SDC3: variants seen among roughly 807,000 people sequenced by gnomAD.
The protein encoded by SDC3 is syndecan-3.
A neutral mutation model predicts 24.4 loss-of-function variants in SDC3; 13 were observed. The observed-to-expected ratio is 0.53, with a 90% CI of 0.35 to 0.85. SDC3 has a LOEUF of 0.85. SDC3 is among the 40% of genes least tolerant of loss of function. The probability of loss-of-function intolerance (pLI) is 0.01; values close to 1 mark genes in which losing one functional copy is unlikely to be tolerated. For synonymous variants in SDC3, 295 were observed against 260.9 expected (o/e 1.13, Z -1.26); for missense variants, 571 against 584.5 (o/e 0.98, Z 0.24).
intron 1 of SDC3, among the ~76,000 whole-genome samples, chr1:30,895,326 C>T (rs376419092): frequency 3.0e-4 from 45 of 152,328 alleles, no homozygotes; most frequent in Admixed American, 1.0e-3. Flanking sequence ...GCCTCACTTG[C>T]AGCCTTGCAG....
chr1:30,877,962 G>C (rs1030091169), intron 2 of SDC3: 2 of 152,580 alleles, frequency 1.3e-5, no homozygotes, highest in African/African-American at 4.8e-5. Flanking sequence ...ATGCCAGCCC[G>C]TGCCCTCACT....
intron 1 of SDC3, among the ~76,000 whole-genome samples, chr1:30,882,644 A>C (rs925266898): frequency 7.9e-5 from 12 of 152,032 alleles, no homozygotes; most frequent in Admixed American, 2.6e-4. Flanking sequence ...GGCTACCTCT[A>C]CCCACCCACT....
chr1:30,878,493 G>A (rs1639686523), intron 2 of SDC3, 130 bp downstream of exon 2: 2 of 693,652 alleles, frequency 2.9e-6, no homozygotes, highest in African/African-American at 3.6e-5. Flanking sequence ...AGAGCAAGAA[G>A]AACTTGCCTG....
intron 2 of SDC3, chr1:30,878,330 C>T (rs1044759894): frequency 6.4e-6 from 2 of 313,900 alleles, no homozygotes; most frequent in South Asian, 5.2e-5. Context: ...ACGGGACCAC[C>T]GGAACCAAGC....
At chr1:30,904,124 C>G (rs747580068) in intron 1 of SDC3, among the ~76,000 whole-genome samples, 2 of 152,084 alleles carry the variant, frequency 1.3e-5, no homozygotes, top group Non-Finnish European at 2.9e-5. Context: ...ACTTGGGAGG[C>G]TGAGGTGGGA....
chr1:30,897,658 A>G (rs978160579), intron 1 of SDC3, among the ~76,000 whole-genome samples: 5 of 152,038 alleles, frequency 3.3e-5, no homozygotes, highest in Non-Finnish European at 7.3e-5. Context: ...AGAAATGTAC[A>G]CGGCAGCATG....
At chr1:30,878,297 T>C (rs940601497) in intron 2 of SDC3, 7 of 249,444 alleles carry the variant, frequency 2.8e-5, no homozygotes, top group Admixed American at 4.9e-5. Context: ...AACCCCACCA[T>C]TGGCCACAGC....
At chr1:30,893,504 C>T (rs928038727) in intron 1 of SDC3, among the ~76,000 whole-genome samples, 1 of 152,042 alleles carries the variant, frequency 6.6e-6, no homozygotes, top group African/African-American at 2.4e-5. Flanking sequence ...GGAGCCAGCA[C>T]CCTTAATGCC....
At chr1:30,886,880 G>C (rs558826260) in intron 1 of SDC3, among the ~76,000 whole-genome samples, 2 of 152,056 alleles carry the variant, frequency 1.3e-5, no homozygotes, top group Non-Finnish European at 2.9e-5. Context: ...TTCACAGATG[G>C]GCAAACTAAA....
intron 1 of SDC3, among the ~76,000 whole-genome samples, chr1:30,897,339 A>AG (rs1638295118): frequency 6.6e-6 from 1 of 152,208 alleles, no homozygotes; most frequent in Non-Finnish European, 1.5e-5. Flanking sequence ...GATACTCATG[A>AG]TGACTCGAGA....
At chr1:30,900,760 T>C (rs1222066505) in intron 1 of SDC3, among the ~76,000 whole-genome samples, 1 of 151,948 alleles carries the variant, frequency 6.6e-6, no homozygotes, top group Non-Finnish European at 1.5e-5. Flanking sequence ...ATCCCGCTGG[T>C]GATTGATTCT....
At chr1:30,890,714 C>T (rs1037089269) in intron 1 of SDC3, among the ~76,000 whole-genome samples, 13 of 152,280 alleles carry the variant, frequency 8.5e-5, no homozygotes, top group African/African-American at 2.9e-4. Flanking sequence ...GGACAAGAAA[C>T]TTGCCCAGGG....
intron 1 of SDC3, among the ~76,000 whole-genome samples, chr1:30,900,616 C>T (rs1019807379): frequency 6.6e-6 from 1 of 152,170 alleles, no homozygotes; most frequent in South Asian, 2.1e-4. Context: ...GCCTTGCCTA[C>T]TCAGGCCCTG....
rs1177714412 is a variant in SDC3, at chr1:30,908,636, C to G, written c.-50G>C. ...GGGCGGCGGGCGGGCGCCTTTGTTC[C>G]CGAGGCGCGGCGCGCGGGGCGGCTG... On this transcript the variant is annotated 5_prime_UTR_variant, in exon 1 of 5. Coordinates refer to ENST00000339394, the MANE Select transcript of SDC3 (RefSeq NM_014654.4). The G allele has an allele frequency of 1.3e-6, 1 of 742,042 alleles. No homozygotes were observed. Among genetic ancestry groups the G allele is most frequent in the Non-Finnish European group, 1.6e-6 (1 of 611,102 alleles). 46.0% of individuals were successfully genotyped at this position (742,042 alleles called of 1,614,324 possible).
chr1:30,873,116 G>C lies in SDC3; in HGVS notation c.*95C>G, dbSNP rs1270286761. 1.1e-6 allele frequency: 1 copy of C among 899,572 alleles called. No homozygotes were observed. 55.7% of individuals were successfully genotyped at this position (899,572 alleles called of 1,614,324 possible). A position where few individuals can be genotyped will look rare whatever the true frequency, so the allele number is the denominator to read the frequency against. ...GAGGGCAGAGAAGAACTGGGGCCAG[G>C]TTCCAGGCCCAGTCCCAGGCTTGGG... On this transcript the variant is annotated 3_prime_UTR_variant, in exon 5 of 5. Transcript: ENST00000339394.
intron 1 of SDC3, among the ~76,000 whole-genome samples, chr1:30,887,153 G>C (rs1020054759): frequency 4.6e-5 from 7 of 152,090 alleles, no homozygotes; most frequent in Non-Finnish European, 2.9e-5. Flanking sequence ...GCACTCACAC[G>C]ACAGGTGGCC....
chr1:30,878,750 G>T lies in SDC3; in HGVS notation c.139-10C>A, dbSNP rs775462351. ...TGCGCCAGCGCTGGGCCTAGGGAAG[G>T]TAGAGGTGGACACAGGGCTCGGCAC... On this transcript the variant is annotated splice_polypyrimidine_tract_variant and intron_variant, in intron 1 of 4. Transcript: ENST00000339394. The T allele has an allele frequency of 9.3e-6, 15 of 1,612,876 alleles. No individual in the cohort carries two copies. In the South Asian group the frequency reaches 1.4e-4, roughly 15 times the overall value.
intron 1 of SDC3, among the ~76,000 whole-genome samples, chr1:30,879,531 C>T (rs1375834832): frequency 1.3e-5 from 2 of 152,136 alleles, no homozygotes; most frequent in Non-Finnish European, 2.9e-5. Context: ...GGAGCTAGAA[C>T]TCCCCATGGC....
At chr1:30,874,877 C>T (rs1238846619) in intron 3 of SDC3, among the ~76,000 whole-genome samples, 6 of 152,230 alleles carry the variant, frequency 3.9e-5, no homozygotes, top group African/African-American at 1.2e-4. Flanking sequence ...TAACACACTG[C>T]CTCTGTTCTT....
Sources: gnomAD v4.1 joint callset for allele counts (sites outside exome capture counted in the v4.1 genomes callset) on GRCh38, gnomAD v4.1.1 for gene constraint, MANE v1.5 for transcripts, NCBI Gene and HGNC (gene_info 2026-07-23, HGNC 2026-07-21) for gene names.